Variants in BCL2 observed in about 807,000 individuals in gnomAD.
The protein encoded by BCL2 is apoptosis regulator Bcl-2.
A neutral mutation model predicts 14.2 loss-of-function variants in BCL2; 1 was observed. The observed-to-expected ratio is 0.07, with a 90% confidence interval of 0.02 to 0.33. The LOEUF (loss-of-function observed/expected upper bound fraction) is 0.33, where lower values mean the gene tolerates loss of function less well. BCL2 is among the 10% of genes least tolerant of loss of function. The pLI is 0.99. For missense variants in BCL2, 247 were observed against 305.9 expected (o/e 0.81, Z 1.44); for synonymous variants, 151 against 137.2 (o/e 1.10, Z -0.70).
intron 2 of BCL2, among the ~76,000 whole-genome samples, chr18:63,262,952 T>A (rs146767609): frequency 2.0e-5 from 3 of 152,126 alleles, no homozygotes; most frequent in Admixed American, 1.3e-4. Flanking sequence ...AAGCCAGAAT[T>A]CTCCTACTGC....
At position 63,318,312 on chromosome 18, in the gene BCL2, G is replaced by T. The variant is rs776905089; in HGVS notation, c.355C>A (p.Leu119Met). ...CGCGCGGTGAAGGGCGTCAGGTGCAGCTGGCTGGACATCTCGGCGAAGTCG... is the reference window on the plus strand; with the variant it reads ...CGCGCGGTGAAGGGCGTCAGGTGCATCTGGCTGGACATCTCGGCGAAGTCG... ...RRDFAEMSSQLHLTPFTARGR... is the reference protein window; with the variant it reads ...RRDFAEMSSQMHLTPFTARGR... Residue 119 changes from leucine (L) to methionine (M), a missense_variant, in exon 2 of 3, where the codon CTG becomes ATG. Physicochemically the swap from Leu to Met is conservative, Grantham distance 15 (BLOSUM62 2). Around this residue, in one of 3 missense-constraint regions of BCL2, gnomAD observed 67 missense variants for 145.7 expected, o/e 0.46. Transcript: ENST00000333681. This position sits in a 1 kb window ranked among gnomAD's most constrained non-coding sequence, Gnocchi z 7.4. 6.2e-7 allele frequency: 1 copy of T among 1,614,092 alleles called. No individual in the cohort carries two copies. Among genetic ancestry groups the T allele is most frequent in the South Asian group, 1.1e-5 (1 of 91,056 alleles).
At chr18:63,262,486 C>T (rs1172512875) in intron 2 of BCL2, among the ~76,000 whole-genome samples, 2 of 152,250 alleles carry the variant, frequency 1.3e-5, no homozygotes, top group Admixed American at 6.5e-5. Flanking sequence ...CTTGGACCTC[C>T]GGAGCAGCCC....
At chr18:63,184,603 T>C (rs1205419737) in intron 2 of BCL2, among the ~76,000 whole-genome samples, 4 of 152,220 alleles carry the variant, frequency 2.6e-5, no homozygotes, top group Non-Finnish European at 5.9e-5. Flanking sequence ...TGCCTGAAGA[T>C]AAGTGCAACT....
At chr18:63,163,842 C>G (rs1276566521) in intron 2 of BCL2, among the ~76,000 whole-genome samples, 2 of 152,188 alleles carry the variant, frequency 1.3e-5, no homozygotes, top group Admixed American at 6.5e-5. Flanking sequence ...CACATAGTGG[C>G]TAAGCTAGAC....
intron 2 of BCL2, among the ~76,000 whole-genome samples, chr18:63,156,474 C>T (rs1379639288): frequency 2.0e-5 from 3 of 152,252 alleles, no homozygotes; most frequent in Middle Eastern, 3.4e-3. Flanking sequence ...CAGGCCGTGC[C>T]AAATGTCCCC....
rs3744935 is a variant in BCL2, at chr18:63,127,447, C to T, written c.*1178G>A. 1,738 of 234,856 alleles carry T rather than the reference C, an allele frequency of 7.4e-3. 37 individuals carry two copies. Among genetic ancestry groups the T allele is most frequent in the East Asian group, 0.041 (688 of 16,840 alleles). The allele number at this position is 234,856 out of a possible 1,614,324, so 14.5% of individuals were successfully genotyped here. A position where few individuals can be genotyped will look rare whatever the true frequency, so the allele number is the denominator to read the frequency against. On this transcript the variant is annotated 3_prime_UTR_variant, in exon 3 of 3. Transcript: ENST00000333681. ...GTGGCTCCCATGCTCCACGTGAAAA[C>T]GGGCCTACCTGGAGGGCCCCAGGGT... is the stretch of plus-strand genomic sequence containing the variant.
chr18:63,306,039 C>T (rs893381385), intron 2 of BCL2, among the ~76,000 whole-genome samples: 5 of 152,092 alleles, frequency 3.3e-5, no homozygotes, highest in Admixed American at 2.0e-4. Context: ...GGTGCCACTG[C>T]ACTCCAGCCT....
intron 2 of BCL2, among the ~76,000 whole-genome samples, chr18:63,281,782 A>G (rs141950432): frequency 3.6e-4 from 55 of 152,316 alleles, no homozygotes; most frequent in African/African-American, 1.3e-3. Context: ...AATAGTAGCA[A>G]CTGTTATTGT....
chr18:63,152,515 G>A (rs1192448419), intron 2 of BCL2, among the ~76,000 whole-genome samples: 1 of 152,138 alleles, frequency 6.6e-6, no homozygotes, highest in African/African-American at 2.4e-5. Flanking sequence ...CCATATCTAA[G>A]TCAAGTCTGG....
In BCL2 at chr18:63,256,504, A is replaced by G. The variant is rs535042838; in HGVS notation, c.585+61578T>C. On this transcript the variant is annotated intron_variant, in intron 2 of 2. Transcript: ENST00000333681. ...AGTGCTGGGATTACAGGCGTGAGCC[A>G]CCATGCCCGGCCAACTTTATGGTAA... Among the ~76,000 whole-genome samples the G allele has an allele frequency of 1.2e-3, 183 of 152,354 alleles. 1 individual carries two copies. Among genetic ancestry groups the G allele is most frequent in the Non-Finnish European group, 1.0e-3 (68 of 68,042 alleles).
At chr18:63,319,786 T>G (rs1335676524), upstream of BCL2, 1 of 195,324 alleles carries the variant, frequency 5.1e-6, no homozygotes, top group East Asian at 7.9e-5. Context: ...AAGGAGGTGG[T>G]GGGGGAGGGT....
chr18:63,256,701 G>A (rs1240491749), intron 2 of BCL2, among the ~76,000 whole-genome samples: 4 of 152,188 alleles, frequency 2.6e-5, no homozygotes, highest in East Asian at 3.9e-4. Context: ...AGGGGTATGG[G>A]GTTCTACTTA....
At chr18:63,145,630 T>C in intron 2 of BCL2, among the ~76,000 whole-genome samples, 1 of 152,254 alleles carries the variant, frequency 6.6e-6, no homozygotes, top group East Asian at 1.9e-4. Context: ...CATTTAATCC[T>C]TTAATGTTCG....
rs540593876 is a variant in BCL2, at chr18:63,196,029, G to A, written c.586-67270C>T. Among the ~76,000 whole-genome samples, 180 of 152,294 alleles carry A rather than the reference G, an allele frequency of 1.2e-3. 1 individual carries two copies. Among genetic ancestry groups the A allele is most frequent in the South Asian group, 7.9e-3 (38 of 4,828 alleles). On this transcript the variant is annotated intron_variant, in intron 2 of 2. Transcript: ENST00000333681. ...AATTTAACCAGCTTTTAGGTACAGC[G>A]GAATCAGCAGTTAAATTACAGCACT...
intron 2 of BCL2, among the ~76,000 whole-genome samples, chr18:63,313,646 CACAATGAGTG>C (rs1158970169): frequency 1.3e-5 from 2 of 152,172 alleles, no homozygotes; most frequent in African/African-American, 4.8e-5. Flanking sequence ...ACTGCTAAGA[CACAATGAGTG>C]ACCTTAGAAA....
chr18:63,166,648 G>T (rs1915052126), intron 2 of BCL2, among the ~76,000 whole-genome samples: 1 of 152,212 alleles, frequency 6.6e-6, no homozygotes, highest in Admixed American at 6.5e-5. Flanking sequence ...AAACAGGAGT[G>T]AGCATTAACA....
intron 2 of BCL2, among the ~76,000 whole-genome samples, chr18:63,266,238 A>G (rs546584408): frequency 6.6e-6 from 1 of 152,198 alleles, no homozygotes; most frequent in African/African-American, 2.4e-5. Flanking sequence ...TAGACACAGA[A>G]GAGAAGAGGA....
intron 2 of BCL2, among the ~76,000 whole-genome samples, chr18:63,183,409 C>T (rs4987797): frequency 0.082 from 12,518 of 151,998 alleles, 1,262 homozygotes; most frequent in African/African-American, 0.24. Context: ...GCTATTATGG[C>T]GAAGAGGGTG....
chr18:63,161,945 G>A (rs914462802), intron 2 of BCL2: 4 of 152,210 alleles, frequency 2.6e-5, no homozygotes, highest in Non-Finnish European at 5.9e-5. Context: ...GCCGGTCCAT[G>A]TGACCTGCAG....
Sources: allele counts gnomAD v4.1 joint callset (sites outside exome capture counted in the v4.1 genomes callset), GRCh38; gene constraint gnomAD v4.1.1; regional missense constraint gnomAD v4.1.1; non-coding constraint Gnocchi (gnomAD v3.1); transcripts MANE v1.5; gene names NCBI Gene and HGNC (gene_info 2026-07-23, HGNC 2026-07-21).